Variants in CSMD2 observed in about 807,000 individuals in gnomAD.
CSMD2 encodes CUB and sushi domain-containing protein 2.
CSMD2 carries 130 observed loss-of-function variants against 398.5 expected under a neutral mutation model. The ratio of observed to expected loss-of-function variants is 0.33; its 90% CI spans 0.28 to 0.38. The LOEUF (loss-of-function observed/expected upper bound fraction) is 0.38, where lower values mean the gene tolerates loss of function less well. Among genes scored for constraint, CSMD2 ranks in the 10% least tolerant of loss-of-function variants. The pLI is 1.00. For synonymous variants in CSMD2, 1,828 were observed against 1,908.5 expected, an observed-to-expected ratio of 0.96 and a Z score of 1.10; for missense variants, 3,829 against 4,764.9, an observed-to-expected ratio of 0.80 and a Z score of 5.78.
intron 25 of CSMD2, 110 bp from the exon 26 acceptor site, chr1:33,663,202 TA>T (rs1174413859): frequency 3.5e-6 from 3 of 859,248 alleles, no homozygotes; most frequent in Non-Finnish European, 5.4e-6. Context: ...TACAAAGCCC[TA>T]AACCTCCGAA....
intron 64 of CSMD2, among the ~76,000 whole-genome samples, chr1:33,529,976 A>T (rs1298330100): frequency 6.6e-6 from 1 of 152,216 alleles, no homozygotes; most frequent in African/African-American, 2.4e-5. Context: ...TTGAATAGAC[A>T]TTTCTCTAAG....
intron 25 of CSMD2, among the ~76,000 whole-genome samples, chr1:33,683,702 G>A (rs1182376543): frequency 2.0e-5 from 3 of 152,176 alleles, no homozygotes; most frequent in African/African-American, 7.2e-5. Flanking sequence ...CTGAATGGCC[G>A]GAGAGTGCCA....
At chr1:33,883,812 CTTA>C (rs1641399758) in intron 5 of CSMD2, among the ~76,000 whole-genome samples, 1 of 152,200 alleles carries the variant, frequency 6.6e-6, no homozygotes, top group African/African-American at 2.4e-5. Flanking sequence ...AGCCTTCCCT[CTTA>C]TTATGGAATT....
chr1:33,635,207 C>T lies in CSMD2; in HGVS notation c.5086+7G>A, dbSNP rs763140822. 4 of 1,570,080 alleles carry T rather than the reference C, an allele frequency of 2.5e-6. No individual in the cohort carries two copies. In the East Asian group the frequency reaches 6.7e-5, roughly 26 times the overall value. ...AACATATGAACAACAACAACCAAAACCCATACCATAGTCCTTGGGCACAGT... is the reference window on the plus strand; with the variant it reads ...AACATATGAACAACAACAACCAAAATCCATACCATAGTCCTTGGGCACAGT... On this transcript the variant is annotated splice_region_variant and intron_variant, in intron 31 of 70. Transcript: ENST00000373381. This position sits in a 1 kb window ranked among gnomAD's most constrained non-coding sequence, Gnocchi z 5.0.
At position 33,559,275 on chromosome 1, in the gene CSMD2, G is replaced by T; in HGVS notation, c.8554+25C>A. 6.5e-7 allele frequency: 1 copy of T among 1,532,164 alleles called. No homozygotes were observed. The highest frequency in any genetic ancestry group is 1.4e-5 in the African/African-American group (1 of 73,084). 94.9% of individuals were successfully genotyped at this position (1,532,164 alleles called of 1,614,324 possible). On this transcript the variant is annotated intron_variant, in intron 54 of 70. Coordinates refer to ENST00000373381, the MANE Select transcript of CSMD2 (RefSeq NM_001281956.2). This position sits in a 1 kb window ranked among gnomAD's most constrained non-coding sequence, Gnocchi z 4.0. ...CATATAGCAGAGATGGTGGGGACTG[G>T]ATTGGGAGAGAAAGGGTGACTCACT...
At position 33,874,853 on chromosome 1, in the gene CSMD2, A is replaced by G. The variant is rs563816798; in HGVS notation, c.921-27857T>C. Among the ~76,000 whole-genome samples the G allele has an allele frequency of 4.6e-5, 7 of 152,296 alleles. No individual in the cohort carries two copies. In the South Asian group the frequency reaches 1.2e-3, roughly 27 times the overall value. Reference sequence around the variant, plus strand: ...TGCGGCTCTGTATTTTTAATGTATTATCTCTAATTAGCAGCAGTGGGCATG... The same window carrying G: ...TGCGGCTCTGTATTTTTAATGTATTGTCTCTAATTAGCAGCAGTGGGCATG... On this transcript the variant is annotated intron_variant, in intron 5 of 70. Transcript: ENST00000373381.
chr1:33,724,509 C>T lies in CSMD2; in HGVS notation c.2884+7G>A, dbSNP rs1303986256. 2.5e-6 allele frequency: 4 copies of T among 1,612,472 alleles called. No individual in the cohort carries two copies. The Admixed American group carries it at 6.7e-5, about 27-fold the overall frequency. ...CTACTTTAGCGCCCCCTCATGGTGT[C>T]CCTCACCTTCACAACTGGGCAGGGC... On this transcript the variant is annotated splice_region_variant and intron_variant, in intron 18 of 70. Coordinates refer to ENST00000373381, the MANE Select transcript of CSMD2 (RefSeq NM_001281956.2).
Position 33,918,260 on chromosome 1 carries a change from T to C in CSMD2, c.754A>G (p.Ile252Val). The change falls in exon 5 of 71, where the codon ATC (isoleucine) becomes GTC (valine). Residue 252 changes from isoleucine (I) to valine (V), a missense_variant. Physicochemically the swap from Ile to Val is conservative, Grantham distance 29 (BLOSUM62 3). Coordinates refer to ENST00000373381, the MANE Select transcript of CSMD2 (RefSeq NM_001281956.2). ...GAGGGGAAGTGGGGGCTGGAGATGATGCCACTCTGGCCCCGCAGGGTCCCA... is the reference window on the plus strand; with the variant it reads ...GAGGGGAAGTGGGGGCTGGAGATGACGCCACTCTGGCCCCGCAGGGTCCCA... Reference protein sequence around the residue: ...CGGTLRGQSGIISSPHFPSEY... With the variant: ...CGGTLRGQSGVISSPHFPSEY... The C allele has an allele frequency of 1.2e-6, 2 of 1,614,112 alleles. No homozygotes were observed. Among genetic ancestry groups the C allele is most frequent in the Non-Finnish European group, 8.5e-7 (1 of 1,180,022 alleles).
chr1:33,590,888 T>C (rs1639394812), intron 44 of CSMD2, among the ~76,000 whole-genome samples: 1 of 152,114 alleles, frequency 6.6e-6, no homozygotes, highest in African/African-American at 2.4e-5. Context: ...CAGCAGCCAT[T>C]GTGAGCAATG....
chr1:33,807,009 T>G (rs973126279), intron 10 of CSMD2, among the ~76,000 whole-genome samples: 8 of 151,210 alleles, frequency 5.3e-5, no homozygotes, highest in Admixed American at 4.6e-4. Flanking sequence ...AGAAACTTAA[T>G]TAAACAGGAT....
chr1:34,144,741 G>T (rs1215851343), intron 1 of CSMD2, among the ~76,000 whole-genome samples: 1 of 152,222 alleles, frequency 6.6e-6, no homozygotes, highest in Admixed American at 6.5e-5. Context: ...AAGGGAGGGG[G>T]TGTTGAGGGT....
intron 21 of CSMD2, among the ~76,000 whole-genome samples, chr1:33,712,649 A>G (rs1204771432): frequency 6.6e-6 from 1 of 152,268 alleles, no homozygotes; most frequent in Non-Finnish European, 1.5e-5. Flanking sequence ...AATGAGATCA[A>G]TGAGGCAAGA....
intron 53 of CSMD2, among the ~76,000 whole-genome samples, chr1:33,567,207 T>C (rs898011985): frequency 1.3e-5 from 2 of 151,918 alleles, no homozygotes; most frequent in African/African-American, 4.8e-5. Flanking sequence ...ATAATAAACA[T>C]TTATTATTAG....
At chr1:33,971,844 T>C (rs1442693171) in intron 3 of CSMD2, among the ~76,000 whole-genome samples, 1 of 152,152 alleles carries the variant, frequency 6.6e-6, no homozygotes, top group African/African-American at 2.4e-5. Context: ...ACGAGATCTA[T>C]TCCTGTAAGT....
At chr1:33,884,037 C>T (rs1025034540) in intron 5 of CSMD2, among the ~76,000 whole-genome samples, 2 of 152,120 alleles carry the variant, frequency 1.3e-5, no homozygotes, top group Non-Finnish European at 2.9e-5. Context: ...AGCAGACACA[C>T]AGTGGACACA....
chr1:33,736,897 G>C (rs1373424007), intron 15 of CSMD2, among the ~76,000 whole-genome samples: 1 of 152,246 alleles, frequency 6.6e-6, no homozygotes, highest in African/African-American at 2.4e-5. Context: ...AGAGACAGCA[G>C]GGAAGATCTC....
intron 27 of CSMD2, among the ~76,000 whole-genome samples, chr1:33,657,282 A>G (rs1255289122): frequency 4.6e-5 from 7 of 152,200 alleles, no homozygotes; most frequent in African/African-American, 1.7e-4. Context: ...CCTGAGCAAC[A>G]TAGTGAGACT....
chr1:33,954,315 G>A (rs1645097548), intron 3 of CSMD2, among the ~76,000 whole-genome samples: 1 of 151,974 alleles, frequency 6.6e-6, no homozygotes, highest in Non-Finnish European at 1.5e-5. Context: ...CAGCTGATTG[G>A]TACTGGGTTG....
chr1:33,980,181 A>G (rs1206469129), intron 3 of CSMD2, among the ~76,000 whole-genome samples: 3 of 152,190 alleles, frequency 2.0e-5, no homozygotes, highest in African/African-American at 7.2e-5. Context: ...GAACCTCCTG[A>G]GAAGTTTCAC....
Sources: gnomAD v4.1 joint callset for allele counts (sites outside exome capture counted in the v4.1 genomes callset) on GRCh38, gnomAD v4.1.1 for gene constraint, Gnocchi (gnomAD v3.1) non-coding constraint, MANE v1.5 for transcripts, NCBI Gene and HGNC (gene_info 2026-07-23, HGNC 2026-07-21) for gene names.